Variants in TLK2 observed in about 807,000 individuals in gnomAD.
TLK2 encodes the protein tousled like kinase 2, also known as serine/threonine-protein kinase tousled-like 2.
In TLK2, 6 loss-of-function variants were observed where a neutral mutation model predicts 117.3. The ratio of observed to expected loss-of-function variants is 0.05; its 90% CI spans 0.03 to 0.10. TLK2 has a LOEUF of 0.10. Among genes scored for constraint, TLK2 ranks in the 10% least tolerant of loss-of-function variants. TLK2 has a pLI of 1.00. For missense variants in TLK2, 299 were observed against 901.2 expected, an observed-to-expected ratio of 0.33 and a Z score of 8.56; for synonymous variants, 257 against 316.7, an observed-to-expected ratio of 0.81 and a Z score of 2.00.
intron 11 of TLK2, among the ~76,000 whole-genome samples, chr17:62,565,390 C>T (rs2079678884): frequency 6.6e-6 from 1 of 151,914 alleles, no homozygotes; most frequent in African/African-American, 2.4e-5. Flanking sequence ...CGCGGTGGCT[C>T]ACGCCTGTAA....
Position 62,614,550 on chromosome 17 carries a change from C to G in TLK2, c.*1985C>G, listed in dbSNP as rs2084000769. The G allele has an allele frequency of 6.6e-6, 1 of 152,084 alleles. No individual in the cohort carries two copies. The highest frequency in any genetic ancestry group is 2.1e-4 in the South Asian group (1 of 4,818). The allele number at this position is 152,084 out of a possible 1,614,324, so 9.4% of individuals were successfully genotyped here. A position where few individuals can be genotyped will look rare whatever the true frequency, so the allele number is the denominator to read the frequency against. ...ACCTTCGTTTGTTTTGTGGACCTGCCTCAGTCTCCTCAGTATCAGGCGATC... is the reference window on the plus strand; with the variant it reads ...ACCTTCGTTTGTTTTGTGGACCTGCGTCAGTCTCCTCAGTATCAGGCGATC... On this transcript the variant is annotated 3_prime_UTR_variant, in exon 22 of 22. Coordinates refer to ENST00000346027, the MANE Select transcript of TLK2 (RefSeq NM_006852.6).
chr17:62,504,263 C>G (rs919888829), intron 2 of TLK2, among the ~76,000 whole-genome samples: 3 of 152,112 alleles, frequency 2.0e-5, no homozygotes, highest in Non-Finnish European at 4.4e-5. Context: ...CCCTCATCCC[C>G]AACATATAGT....
Position 62,565,193 on chromosome 17 carries a change from G to T in TLK2, c.968+56G>T, listed in dbSNP as rs543464212. The stretch of plus-strand genomic sequence containing the variant: ...TTGAAAAGTTCGTTTGCATTTTTTA[G>T]GTTTTCTGTAATTGTAGTCATTAAT... On this transcript the variant is annotated intron_variant, in intron 11 of 21. Coordinates refer to ENST00000346027, the MANE Select transcript of TLK2 (RefSeq NM_006852.6). The T allele has an allele frequency of 3.4e-4, 525 of 1,563,312 alleles. 1 individual carries two copies. Among genetic ancestry groups the T allele is most frequent in the South Asian group, 6.2e-4 (51 of 82,110 alleles).
intron 7 of TLK2, among the ~76,000 whole-genome samples, chr17:62,548,358 T>A (rs1253402419): frequency 6.6e-6 from 1 of 151,508 alleles, no homozygotes; most frequent in Admixed American, 6.6e-5. Flanking sequence ...CTCGACTCAC[T>A]GCATCCTCTG....
chr17:62,543,966 T>C (rs1167884656), intron 7 of TLK2, among the ~76,000 whole-genome samples: 1 of 152,248 alleles, frequency 6.6e-6, no homozygotes. Context: ...TTTTAGCTCT[T>C]ATATTTAGGT....
chr17:62,507,706 G>A (rs2145169120), intron 2 of TLK2, among the ~76,000 whole-genome samples: 1 of 152,178 alleles, frequency 6.6e-6, no homozygotes, highest in South Asian at 2.1e-4. Flanking sequence ...ATTAACCTTT[G>A]GCCTCTATTC....
chr17:62,503,034 T>G (rs932303413), intron 2 of TLK2, among the ~76,000 whole-genome samples: 3 of 151,566 alleles, frequency 2.0e-5, no homozygotes, highest in Admixed American at 1.3e-4. Context: ...AGGACCTCAG[T>G]TTCCGGCTTT....
Position 62,519,628 on chromosome 17 carries a change from A to G in TLK2, c.82-1145A>G, listed in dbSNP as rs1174422613. Among the ~76,000 whole-genome samples the G allele has an allele frequency of 3.3e-5, 5 of 152,184 alleles. No homozygotes were observed. The East Asian group carries it at 9.6e-4, about 29-fold the overall frequency. Reference sequence around the variant, plus strand: ...CAGGAGTTCGAGACCAGCCTGGCCAACATGGCGAAACAATAATAAATTATT... The same window carrying G: ...CAGGAGTTCGAGACCAGCCTGGCCAGCATGGCGAAACAATAATAAATTATT... On this transcript the variant is annotated intron_variant, in intron 2 of 21. Coordinates refer to ENST00000346027, the MANE Select transcript of TLK2 (RefSeq NM_006852.6).
chr17:62,555,728 C>T (rs943293281), intron 9 of TLK2, among the ~76,000 whole-genome samples: 1 of 151,940 alleles, frequency 6.6e-6, no homozygotes, highest in Non-Finnish European at 1.5e-5. Context: ...CCACCCACCT[C>T]GGCCTCCCAA....
At chr17:62,503,612 T>C (rs2074404698) in intron 2 of TLK2, among the ~76,000 whole-genome samples, 1 of 151,688 alleles carries the variant, frequency 6.6e-6, no homozygotes, top group African/African-American at 2.4e-5. Context: ...AGAGATGGGG[T>C]TTTGCCATGT....
chr17:62,475,007 T>C (rs1213848506), upstream of TLK2, among the ~76,000 whole-genome samples: 8 of 152,232 alleles, frequency 5.3e-5, no homozygotes, highest in East Asian at 1.9e-4. Flanking sequence ...GATTGTGCCA[T>C]TGCACTCCAT....
At chr17:62,610,969 T>G (rs573144353) in intron 21 of TLK2, among the ~76,000 whole-genome samples, 10 of 152,124 alleles carry the variant, frequency 6.6e-5, no homozygotes, top group Non-Finnish European at 2.9e-5. Context: ...GTGAGACCCA[T>G]TTCTACAAAA....
chr17:62,608,999 TCTA>T (rs1360061073), intron 21 of TLK2, among the ~76,000 whole-genome samples: 1 of 152,228 alleles, frequency 6.6e-6, no homozygotes, highest in Non-Finnish European at 1.5e-5. Flanking sequence ...ATTAACCAGT[TCTA>T]CTTAGGTGAG....
intron 10 of TLK2, among the ~76,000 whole-genome samples, chr17:62,562,703 A>G (rs1229469019): frequency 6.6e-6 from 1 of 152,220 alleles, no homozygotes; most frequent in African/African-American, 2.4e-5. Context: ...TGTTACACCA[A>G]TAGAAATGTA....
intron 2 of TLK2, among the ~76,000 whole-genome samples, chr17:62,502,497 T>C (rs1038068952): frequency 1.2e-4 from 19 of 152,218 alleles, no homozygotes; most frequent in African/African-American, 4.1e-4. Context: ...CAATGGTAAT[T>C]GTTTTCGCAA....
chr17:62,480,837 A>G (rs2071557210), intron 1 of TLK2, among the ~76,000 whole-genome samples: 1 of 152,206 alleles, frequency 6.6e-6, no homozygotes, highest in African/African-American at 2.4e-5. Flanking sequence ...TACAGAAATT[A>G]TATGAAGGGT....
intron 2 of TLK2, among the ~76,000 whole-genome samples, chr17:62,511,525 C>T (rs2075144848): frequency 6.6e-6 from 1 of 152,260 alleles, no homozygotes; most frequent in Admixed American, 6.5e-5. Context: ...TACACACCAC[C>T]ACGCTAGCTA....
At chr17:62,606,465 A>G (rs2083308323) in intron 20 of TLK2, among the ~76,000 whole-genome samples, 1 of 152,220 alleles carries the variant, frequency 6.6e-6, no homozygotes, top group African/African-American at 2.4e-5. Flanking sequence ...GGGGCTGTTA[A>G]AAACATGCAC....
At chr17:62,481,784 G>T (rs1160335340) in intron 2 of TLK2, among the ~76,000 whole-genome samples, 1 of 152,090 alleles carries the variant, frequency 6.6e-6, no homozygotes, top group Non-Finnish European at 1.5e-5. Context: ...GCATGTTTAT[G>T]TACCCACTGG....
Sources: allele counts gnomAD v4.1 joint callset (sites outside exome capture counted in the v4.1 genomes callset), GRCh38; gene constraint gnomAD v4.1.1; transcripts MANE v1.5; gene names NCBI Gene and HGNC (gene_info 2026-07-23, HGNC 2026-07-21).